Variants in FHIP1A observed in about 807,000 individuals in gnomAD.
FHIP1A encodes the protein FHF complex subunit HOOK-interacting protein 1A.
A neutral mutation model predicts 88.6 loss-of-function variants in FHIP1A; 61 were observed. The ratio of observed to expected loss-of-function variants is 0.69; its 90% CI spans 0.56 to 0.85. The LOEUF (loss-of-function observed/expected upper bound fraction) is 0.85. Ranked by LOEUF, FHIP1A falls within the 40% of genes least tolerant of loss-of-function variation. The probability of loss-of-function intolerance (pLI) is 0.00; values close to 1 mark genes in which losing one functional copy is unlikely to be tolerated. For missense variants in FHIP1A, 1,154 were observed against 1,273.5 expected (o/e 0.91, Z 1.43); for synonymous variants, 478 against 496.0 (o/e 0.96, Z 0.48).
chr4:151,638,578 AG>A, intron 8 of FHIP1A, 98 bp from the exon 9 acceptor site: 4 of 631,958 alleles, frequency 6.3e-6, no homozygotes, highest in South Asian at 5.1e-5. Flanking sequence ...AAAAAAAAAA[AG>A]GCCATTATAT....
In FHIP1A at chr4:151,532,055, A is replaced by G. The variant is rs56335348; in HGVS notation, c.-122-34083A>G. ...TGGATACGTGGCATCGCATATTTCA[A>G]TGCTGCTATTTGATTATTTTTTTAA... On this transcript the variant is annotated intron_variant, in intron 3 of 13. Coordinates refer to ENST00000435205, the MANE Select transcript of FHIP1A (RefSeq NM_001109977.3). 8.9e-3 allele frequency among the ~76,000 whole-genome samples: 1,351 copies of G among 152,354 alleles called. 10 individuals carry two copies. Among genetic ancestry groups the G allele is most frequent in the Non-Finnish European group, 0.015 (1,028 of 68,034 alleles).
chr4:151,627,747 AC>A (rs1328023698), intron 7 of FHIP1A, among the ~76,000 whole-genome samples: 2 of 152,174 alleles, frequency 1.3e-5, no homozygotes, highest in Admixed American at 6.5e-5. Context: ...TTTATAAAAA[AC>A]GTCTCTACTT....
chr4:151,527,036 C>T (rs1226551194), intron 3 of FHIP1A, among the ~76,000 whole-genome samples: 1 of 149,724 alleles, frequency 6.7e-6, no homozygotes, highest in Admixed American at 6.6e-5. Flanking sequence ...CCTCACTTTC[C>T]AGACTGGGCA....
Position 151,665,334 on chromosome 4 carries a change from G to C in FHIP1A, c.*2580G>C, listed in dbSNP as rs1737622309. On this transcript the variant is annotated 3_prime_UTR_variant, in exon 14 of 14. Transcript: ENST00000435205. The stretch of plus-strand genomic sequence containing the variant: ...TGACTGGTGTGTGCAGTGACAGGCA[G>C]GAGAATGTAACTTCCCATGCTGGGG... Among the ~76,000 whole-genome samples, 1 of 152,218 alleles carries C rather than the reference G, an allele frequency of 6.6e-6. No homozygotes were observed. The highest frequency in any genetic ancestry group is 2.1e-4 in the South Asian group (1 of 4,830).
chr4:151,578,893 C>T (rs1733920269), intron 5 of FHIP1A, among the ~76,000 whole-genome samples: 1 of 152,036 alleles, frequency 6.6e-6, no homozygotes, highest in Non-Finnish European at 1.5e-5. Flanking sequence ...GGGATATATG[C>T]AGATAATGGA....
chr4:151,561,656 T>A (rs932862559), intron 3 of FHIP1A, among the ~76,000 whole-genome samples: 4 of 152,178 alleles, frequency 2.6e-5, no homozygotes, highest in Admixed American at 2.6e-4. Context: ...ATAGACTTTT[T>A]ATATATTTTT....
chr4:151,604,840 C>T (rs1735011829), intron 7 of FHIP1A, among the ~76,000 whole-genome samples: 1 of 149,642 alleles, frequency 6.7e-6, no homozygotes. Flanking sequence ...CAGAGTGAGA[C>T]TCCATCTCAA....
chr4:151,412,621 TCCCTC>T (rs1732704785), intron 1 of FHIP1A, among the ~76,000 whole-genome samples: 1 of 104,872 alleles, frequency 9.5e-6, no homozygotes, highest in African/African-American at 3.6e-5. Flanking sequence ...CCTCCCTCCC[TCCCTC>T]CCTCCCTCCC....
chr4:151,607,644 G>A (rs1297764152), intron 7 of FHIP1A, among the ~76,000 whole-genome samples: 1 of 152,208 alleles, frequency 6.6e-6, no homozygotes, highest in Admixed American at 6.5e-5. Context: ...CTTGGTTTGA[G>A]TCTAGTTCTT....
At chr4:151,588,808 G>C in intron 6 of FHIP1A, 32 bp from the exon 7 acceptor site, 1 of 1,319,016 alleles carries the variant, frequency 7.6e-7, no homozygotes. Flanking sequence ...TGAACTCTTT[G>C]CCTTTTTCAT....
intron 1 of FHIP1A, among the ~76,000 whole-genome samples, chr4:151,443,277 G>T (rs565649130): frequency 6.6e-6 from 1 of 152,196 alleles, no homozygotes; most frequent in African/African-American, 2.4e-5. Context: ...CAGCCTGGGT[G>T]ACAGAGCGAG....
Position 151,650,284 on chromosome 4 carries a change from G to A in FHIP1A, c.2243G>A (p.Ser748Asn), listed in dbSNP as rs1161865089. Residue 748 changes from serine to asparagine, a missense_variant, in exon 11 of 14, where the codon AGC (serine) becomes AAC (asparagine). Ser to Asn is a conservative substitution (Grantham distance 46). Coordinates refer to ENST00000435205, the MANE Select transcript of FHIP1A (RefSeq NM_001109977.3). ...SSNLTAAHPE[S>N]EELIAQYDQI... Reference sequence around the variant, plus strand: ...AACCTGACAGCCGCCCACCCGGAGAGCGAGGAGCTCATTGCCCAGTATGAC... The same window carrying A: ...AACCTGACAGCCGCCCACCCGGAGAACGAGGAGCTCATTGCCCAGTATGAC... 6.4e-7 allele frequency: 1 copy of A among 1,551,742 alleles called. No individual in the cohort carries two copies. Among genetic ancestry groups the A allele is most frequent in the Non-Finnish European group, 8.7e-7 (1 of 1,147,004 alleles).
intron 11 of FHIP1A, among the ~76,000 whole-genome samples, chr4:151,652,614 C>G (rs1179430995): frequency 6.6e-6 from 1 of 152,182 alleles, no homozygotes; most frequent in East Asian, 1.9e-4. Context: ...GAAGTGTACT[C>G]TTAGTGGGAA....
Position 151,656,733 on chromosome 4 carries a change from TA to T in FHIP1A, c.2731-25del. ...GGAGTGGAATTTCATGGTGAGGCAT[TA>T]ACATCAGTAATGCTGTTTTTGACAG... On this transcript the variant is annotated intron_variant, in intron 12 of 13. Coordinates refer to ENST00000435205, the MANE Select transcript of FHIP1A (RefSeq NM_001109977.3). This position sits in a 1 kb window ranked among gnomAD's most constrained non-coding sequence, Gnocchi z 4.2. 1 of 1,540,680 alleles carries T rather than the reference TA, an allele frequency of 6.5e-7. No homozygotes were observed.
At chr4:151,503,555 C>T (rs1580641501) in intron 3 of FHIP1A, among the ~76,000 whole-genome samples, 3 of 151,530 alleles carry the variant, frequency 2.0e-5, no homozygotes, top group Admixed American at 2.0e-4. Context: ...AATTGCATTT[C>T]TAAAGAGCCA....
intron 3 of FHIP1A, among the ~76,000 whole-genome samples, chr4:151,536,533 A>T (rs1299251738): frequency 1.3e-5 from 2 of 152,208 alleles, no homozygotes; most frequent in Non-Finnish European, 2.9e-5. Flanking sequence ...TCGTTAAAAA[A>T]TGTTATATAG....
At chr4:151,580,368 C>T (rs542577353) in intron 5 of FHIP1A, among the ~76,000 whole-genome samples, 21 of 152,148 alleles carry the variant, frequency 1.4e-4, no homozygotes, top group East Asian at 3.8e-4. Flanking sequence ...ACTTTACAAG[C>T]GATGCTATGT....
chr4:151,461,902 G>T (rs1280102472), intron 2 of FHIP1A, among the ~76,000 whole-genome samples: 1 of 152,178 alleles, frequency 6.6e-6, no homozygotes, highest in East Asian at 1.9e-4. Context: ...AGTGGCTTAC[G>T]CCTGTAATCC....
At chr4:151,652,338 C>G (rs1192164784) in intron 11 of FHIP1A, among the ~76,000 whole-genome samples, 1 of 152,216 alleles carries the variant, frequency 6.6e-6, no homozygotes, top group Non-Finnish European at 1.5e-5. Context: ...AAACATCTCT[C>G]TTTCCATGTA....
Sources: allele counts gnomAD v4.1 joint callset (sites outside exome capture counted in the v4.1 genomes callset), GRCh38; gene constraint gnomAD v4.1.1; non-coding constraint Gnocchi (gnomAD v3.1); transcripts MANE v1.5; gene names NCBI Gene and HGNC (gene_info 2026-07-23, HGNC 2026-07-21).